TTC3: variants seen among roughly 807,000 people sequenced by gnomAD.
TTC3 encodes the protein E3 ubiquitin-protein ligase TTC3.
In TTC3, 180 loss-of-function variants were observed where a neutral mutation model predicts 249.6. That is an observed-to-expected ratio of 0.72 (90% CI 0.64 to 0.82). The LOEUF (loss-of-function observed/expected upper bound fraction) is 0.82. TTC3 is among the 40% of genes least tolerant of loss of function. The pLI is 0.00. For missense variants in TTC3, 2,061 were observed against 2,398.4 expected, an observed-to-expected ratio of 0.86 and a Z score of 2.94; for synonymous variants, 717 against 805.0, an observed-to-expected ratio of 0.89 and a Z score of 1.85.
chr21:37,082,703 A>T, intron 1 of TTC3: 1 of 984,928 alleles, frequency 1.0e-6, no homozygotes, highest in Non-Finnish European at 1.2e-6. Flanking sequence ...CAGCAAAAAC[A>T]TCCAAAAAGT....
At chr21:37,082,473 AT>A in intron 1 of TTC3, 1 of 985,190 alleles carries the variant, frequency 1.0e-6, no homozygotes, top group South Asian at 4.7e-5. Context: ...TTCTGAAAGC[AT>A]TTCTATCAGC....
intron 16 of TTC3, among the ~76,000 whole-genome samples, chr21:37,130,702 G>T (rs2077400154): frequency 6.6e-6 from 1 of 152,016 alleles, no homozygotes; most frequent in African/African-American, 2.4e-5. Flanking sequence ...ACAGTATTTT[G>T]TAATATGGCT....
intron 22 of TTC3, 110 bp downstream of exon 22, chr21:37,147,713 G>T: frequency 7.7e-7 from 1 of 1,294,844 alleles, no homozygotes. Context: ...GTTAGCAGTC[G>T]TCCACCCCTT....
chr21:37,118,905 T>C (rs1357708218), intron 11 of TTC3, among the ~76,000 whole-genome samples: 1 of 152,226 alleles, frequency 6.6e-6, no homozygotes, highest in Admixed American at 6.5e-5. Context: ...TTTGGGTCTT[T>C]CTTGCATATT....
chr21:37,088,557 A>G (rs1469954997), intron 4 of TTC3, among the ~76,000 whole-genome samples: 1 of 152,240 alleles, frequency 6.6e-6, no homozygotes, highest in Non-Finnish European at 1.5e-5. Context: ...ACTAGATGGT[A>G]GACTGGAAGC....
chr21:37,118,028 T>TCGTA, intron 11 of TTC3, among the ~76,000 whole-genome samples: 1 of 152,080 alleles, frequency 6.6e-6, no homozygotes, highest in African/African-American at 2.4e-5. Flanking sequence ...TGGTGATGTG[T>TCGTA]CGTATGATTG....
chr21:37,197,874 T>C lies in TTC3; in HGVS notation c.5707-8T>C. 1 of 1,610,266 alleles carries C rather than the reference T, an allele frequency of 6.2e-7. No homozygotes were observed. Among genetic ancestry groups the C allele is most frequent in the South Asian group, 1.1e-5 (1 of 90,652 alleles). On this transcript the variant is annotated splice_region_variant and splice_polypyrimidine_tract_variant and intron_variant, in intron 43 of 45. Coordinates refer to ENST00000355666, the Ensembl canonical transcript of TTC3. ...GTCCCCTCCCCGCCACCCCTGTTATTTTCGCAGCCAAACCCAGGAAAGGAC... is the reference window on the plus strand; with the variant it reads ...GTCCCCTCCCCGCCACCCCTGTTATCTTCGCAGCCAAACCCAGGAAAGGAC...
At chr21:37,121,900 C>G in exon 12 of TTC3, 4 of 1,613,056 alleles carry the variant, frequency 2.5e-6, no homozygotes, top group Non-Finnish European at 3.4e-6. Context: ...CTCAAAAACT[C>G]TGTAAAAATG....
intron 21 of TTC3, among the ~76,000 whole-genome samples, chr21:37,146,377 A>G (rs2078981585): frequency 6.6e-6 from 1 of 152,030 alleles, no homozygotes; most frequent in East Asian, 1.9e-4. Flanking sequence ...AAATTAGCCA[A>G]ACATAGTGGC....
At chr21:37,133,047 C>A (rs1162474026) in intron 17 of TTC3, among the ~76,000 whole-genome samples, 1 of 152,130 alleles carries the variant, frequency 6.6e-6, no homozygotes, top group Non-Finnish European at 1.5e-5. Context: ...AGAATCCAAT[C>A]TATCACTAAT....
chr21:37,103,518 G>T (rs551575646), intron 10 of TTC3, among the ~76,000 whole-genome samples: 2 of 152,312 alleles, frequency 1.3e-5, no homozygotes, highest in African/African-American at 4.8e-5. Context: ...CTTTGCCTTA[G>T]TTGTAGGATG....
At chr21:37,133,401 T>G (rs1254311396) in intron 17 of TTC3, among the ~76,000 whole-genome samples, 1 of 152,242 alleles carries the variant, frequency 6.6e-6, no homozygotes, top group Non-Finnish European at 1.5e-5. Context: ...AGATTCCTAA[T>G]CATTTGCTTA....
chr21:37,158,862 C>T lies in TTC3; in HGVS notation c.2993-837C>T, dbSNP rs541949839. Among the ~76,000 whole-genome samples, 15 of 152,224 alleles carry T rather than the reference C, an allele frequency of 9.9e-5. No individual in the cohort carries two copies. The South Asian group carries it at 3.1e-3, about 32-fold the overall frequency. ...CTTGATCTGTCCTTTGCTGTCCACCCCACTTCCCGAGGCCAAGACCTTAGT... is the reference window on the plus strand; with the variant it reads ...CTTGATCTGTCCTTTGCTGTCCACCTCACTTCCCGAGGCCAAGACCTTAGT... On this transcript the variant is annotated intron_variant, in intron 28 of 45. Transcript: ENST00000355666.
chr21:37,104,003 G>A (rs1046248947), intron 10 of TTC3, among the ~76,000 whole-genome samples: 5 of 152,180 alleles, frequency 3.3e-5, no homozygotes, highest in Admixed American at 2.0e-4. Context: ...ATGTAGTGTG[G>A]ATGTAGGTTA....
At chr21:37,105,530 T>C (rs997353683) in intron 10 of TTC3, among the ~76,000 whole-genome samples, 2 of 152,158 alleles carry the variant, frequency 1.3e-5, no homozygotes, top group Non-Finnish European at 2.9e-5. Context: ...AAAATCTTAA[T>C]ACACATGCTG....
intron 11 of TTC3, among the ~76,000 whole-genome samples, chr21:37,115,174 T>TATAACAATAATA (rs1555875659): frequency 6.9e-6 from 1 of 144,500 alleles, no homozygotes; most frequent in African/African-American, 2.5e-5. Flanking sequence ...AAACTTAAAG[T>TATAACAATAATA]ATAATAATAA....
At chr21:37,138,353 AAT>A (rs1230260479) in intron 18 of TTC3, among the ~76,000 whole-genome samples, 2 of 152,250 alleles carry the variant, frequency 1.3e-5, no homozygotes, top group African/African-American at 4.8e-5. Context: ...TATGCAAAAT[AAT>A]ATGACTTTAA....
rs2071746680 is a variant in TTC3, at chr21:37,081,984, C to T, written c.-11-5263C>T. The T allele has an allele frequency of 2.6e-5, 4 of 152,014 alleles. No homozygotes were observed. In the South Asian group the frequency reaches 8.3e-4, roughly 32 times the overall value. 9.4% of individuals were successfully genotyped at this position (152,014 alleles called of 1,614,324 possible). A position where few individuals can be genotyped will look rare whatever the true frequency, so the allele number is the denominator to read the frequency against. The stretch of plus-strand genomic sequence containing the variant: ...GGTTCACGCCATTCTCCTGCCTCAG[C>T]CTCCCGAGTAGCTGGGACTACAGGC... On this transcript the variant is annotated intron_variant, in intron 1 of 45. Transcript: ENST00000355666.
At chr21:37,158,720 C>T (rs2080365071) in intron 28 of TTC3, among the ~76,000 whole-genome samples, 1 of 152,126 alleles carries the variant, frequency 6.6e-6, no homozygotes, top group African/African-American at 2.4e-5. Flanking sequence ...CAATTTATCT[C>T]AGTCAATAAT....
Sources: allele counts gnomAD v4.1 joint callset (sites outside exome capture counted in the v4.1 genomes callset), GRCh38; gene constraint gnomAD v4.1.1; transcripts MANE v1.5; gene names NCBI Gene and HGNC (gene_info 2026-07-23, HGNC 2026-07-21).